Variants in RNF6 observed in about 807,000 individuals in gnomAD.
The protein encoded by RNF6 is E3 ubiquitin-protein ligase RNF6.
RNF6 carries 21 observed loss-of-function variants against 50.1 expected under a neutral mutation model. That is an observed-to-expected ratio of 0.42 (90% CI 0.30 to 0.60). RNF6 has a LOEUF of 0.60. RNF6 is among the 20% of genes least tolerant of loss of function. RNF6 has a pLI of 0.20. For missense variants in RNF6, 698 were observed against 838.2 expected (o/e 0.83, Z 2.07); for synonymous variants, 255 against 291.8 (o/e 0.87, Z 1.29).
At chr13:26,202,377 T>C (rs571672527) in intron 5 of RNF6, among the ~76,000 whole-genome samples, 1 of 152,344 alleles carries the variant, frequency 6.6e-6, no homozygotes, top group African/African-American at 2.4e-5. Flanking sequence ...TTTCAGATTA[T>C]TGGCAATAGG....
At chr13:26,170,347 T>A (rs1483813964) in intron 5 of RNF6, among the ~76,000 whole-genome samples, 1 of 152,218 alleles carries the variant, frequency 6.6e-6, no homozygotes. Flanking sequence ...AAGCACTTTG[T>A]TACCGAAGAA....
chr13:26,185,990 C>T (rs189266075), intron 5 of RNF6, among the ~76,000 whole-genome samples: 43 of 152,286 alleles, frequency 2.8e-4, no homozygotes, highest in African/African-American at 8.7e-4. Flanking sequence ...CCTCCCACCC[C>T]GTGCCCTTAT....
In RNF6 at chr13:26,215,109, T is replaced by C. The variant is rs776738820; in HGVS notation, c.773A>G (p.His258Arg). The change falls in exon 5 of 5, where the codon CAC (histidine) becomes CGC (arginine). Residue 258 changes from histidine to arginine, a missense_variant. His to Arg is a conservative substitution (Grantham distance 29). Coordinates refer to ENST00000381588, the MANE Select transcript of RNF6 (RefSeq NM_005977.4). ...TTCACTACCACCTGATTGGTTTGTG[T>C]GACTACTGAAATTAGTGCGTGAAGC... ...ANASRTNFSS[H>R]TNQSGGSELR... 42 of 1,614,106 alleles carry C rather than the reference T, an allele frequency of 2.6e-5. No individual in the cohort carries two copies. The highest frequency in any genetic ancestry group is 3.3e-5 in the Non-Finnish European group (39 of 1,180,044).
At chr13:26,153,220 G>A (rs1871724922) in intron 5 of RNF6, among the ~76,000 whole-genome samples, 1 of 142,042 alleles carries the variant, frequency 7.0e-6, no homozygotes, top group African/African-American at 3.0e-5. Flanking sequence ...TTTATTTTAT[G>A]TATTTTTTTC....
intron 5 of RNF6, among the ~76,000 whole-genome samples, chr13:26,171,199 C>T (rs552960030): frequency 1.3e-5 from 2 of 152,172 alleles, no homozygotes; most frequent in Admixed American, 1.3e-4. Flanking sequence ...TCTCCTACAG[C>T]TAAACAATCC....
In RNF6 at chr13:26,201,098, ACAAGT is replaced by A. The variant is rs1264562475; in HGVS notation, n.768+14371_768+14375del. On this transcript the variant is annotated intron_variant and non_coding_transcript_variant, in intron 5 of 5. Coordinates refer to the RNF6 transcript ENST00000468480. ...TGAATAGCAAATAAAAAACACCATGACAAGTCAAGACTGCAGAAGAAAAAAGCTTT... is the reference window on the plus strand; with the variant it reads ...TGAATAGCAAATAAAAAACACCATGACAAGACTGCAGAAGAAAAAAGCTTT... Among the ~76,000 whole-genome samples the A allele has an allele frequency of 2.0e-5, 3 of 152,204 alleles. 1 individual carries two copies. The highest frequency in any genetic ancestry group is 1.5e-5 in the Non-Finnish European group (1 of 68,034).
chr13:26,186,876 C>A (rs11149432), intron 5 of RNF6, among the ~76,000 whole-genome samples: 97,307 of 151,322 alleles, frequency 0.64, 31,923 homozygotes, highest in Middle Eastern at 0.72. Context: ...CTCCCAGGTT[C>A]ACGCCATTCT....
At chr13:26,208,708 T>C (rs1869200117), downstream of RNF6, among the ~76,000 whole-genome samples, 1 of 152,184 alleles carries the variant, frequency 6.6e-6, no homozygotes, top group Non-Finnish European at 1.5e-5. Context: ...CCCTCCCAAG[T>C]TACATGGTTG....
chr13:26,179,694 C>G (rs1310893472), intron 5 of RNF6, among the ~76,000 whole-genome samples: 1 of 152,160 alleles, frequency 6.6e-6, no homozygotes, highest in Non-Finnish European at 1.5e-5. Flanking sequence ...CCAGGTACCC[C>G]CTTAGCAAGG....
intron 5 of RNF6, among the ~76,000 whole-genome samples, chr13:26,163,773 A>G (rs1872323058): frequency 6.6e-6 from 1 of 152,208 alleles, no homozygotes; most frequent in Admixed American, 6.5e-5. Context: ...ATCTGTAACT[A>G]GAGGCTCTGG....
At chr13:26,135,895 C>T (rs954142986) in intron 5 of RNF6, among the ~76,000 whole-genome samples, 4 of 152,132 alleles carry the variant, frequency 2.6e-5, no homozygotes, top group Non-Finnish European at 5.9e-5. Context: ...CGCTCTCTTG[C>T]TTCCTCTCTC....
rs1034066915 is a variant in RNF6 at position 26,185,832 on chromosome 13, A to G, written n.768+29642T>C. ...AAACTTGTGTTCTCTACGCCTAACT[A>G]CGAACCTTGTGCCTTTCCAAAACCA... On this transcript the variant is annotated intron_variant and non_coding_transcript_variant, in intron 5 of 5. Transcript: ENST00000468480. 2.6e-5 allele frequency among the ~76,000 whole-genome samples: 4 copies of G among 152,220 alleles called. No homozygotes were observed. In the East Asian group the frequency reaches 7.7e-4, roughly 29 times the overall value.
At chr13:26,184,010 ATATATATATTTTTT>A (rs1197986616) in intron 5 of RNF6, among the ~76,000 whole-genome samples, 258 of 39,062 alleles carry the variant, frequency 6.6e-3, no homozygotes, top group East Asian at 0.028. Flanking sequence ...ATATATATAT[ATATATATATTTTTT>A]TTTTTTTTTT....
chr13:26,206,360 G>A (rs1237862208), intron 5 of RNF6, among the ~76,000 whole-genome samples: 2 of 152,218 alleles, frequency 1.3e-5, no homozygotes, highest in Non-Finnish European at 2.9e-5. Flanking sequence ...CTGTGGTTAA[G>A]CAGACAGTGT....
intron 4 of RNF6, among the ~76,000 whole-genome samples, chr13:26,217,485 G>A (rs959381718): frequency 2.6e-5 from 4 of 152,342 alleles, no homozygotes; most frequent in African/African-American, 9.6e-5. Flanking sequence ...AAGTTCTCAT[G>A]AATGGAATGG....
chr13:26,153,594 G>A (rs1225447666), intron 5 of RNF6, among the ~76,000 whole-genome samples: 1 of 152,148 alleles, frequency 6.6e-6, no homozygotes, highest in Non-Finnish European at 1.5e-5. Flanking sequence ...GAATAAATGG[G>A]AGGAGACGTA....
intron 5 of RNF6, among the ~76,000 whole-genome samples, chr13:26,183,326 AAT>A (rs1873330609): frequency 1.3e-5 from 2 of 152,352 alleles, no homozygotes; most frequent in South Asian, 4.1e-4. Flanking sequence ...ATTACAGAGA[AAT>A]ACAATAAATT....
intron 5 of RNF6, among the ~76,000 whole-genome samples, chr13:26,192,277 C>T (rs1227717388): frequency 2.0e-5 from 3 of 152,170 alleles, no homozygotes; most frequent in African/African-American, 7.2e-5. Context: ...GGAAAGAGAA[C>T]AATGGCTAGG....
At chr13:26,206,027 A>G (rs1170770992) in intron 5 of RNF6, among the ~76,000 whole-genome samples, 1 of 152,184 alleles carries the variant, frequency 6.6e-6, no homozygotes, top group African/African-American at 2.4e-5. Flanking sequence ...TTTTAAAAAA[A>G]TCTGAACACA....
Sources: allele counts gnomAD v4.1 joint callset (sites outside exome capture counted in the v4.1 genomes callset), GRCh38; gene constraint gnomAD v4.1.1; transcripts MANE v1.5; gene names NCBI Gene and HGNC (gene_info 2026-07-23, HGNC 2026-07-21).